The following UBE4B variants were observed in gnomAD, a reference collection of about 807,000 sequenced individuals.
UBE4B encodes ubiquitin conjugation factor E4 B.
In UBE4B, 27 loss-of-function variants were observed where a neutral mutation model predicts 148.1. The ratio of observed to expected loss-of-function variants is 0.18; its 90% CI spans 0.13 to 0.25. The LOEUF is 0.25. Among genes scored for constraint, UBE4B ranks in the 10% least tolerant of loss-of-function variants. UBE4B has a pLI of 1.00. For missense variants in UBE4B, 1,170 were observed against 1,662.4 expected (o/e 0.70, Z 5.15); for synonymous variants, 596 against 619.3 (o/e 0.96, Z 0.56).
rs111406639 is a variant in UBE4B at position 10,155,804 on chromosome 1, C to G, written c.2927-2552C>G. The stretch of plus-strand genomic sequence containing the variant: ...TTGGGAGTCCGAGACAGGTGAATCA[C>G]TTGAGGCCAGGAGTTTGAGACCAGC... On this transcript the variant is annotated intron_variant, in intron 21 of 27. Transcript: ENST00000343090. Among the ~76,000 whole-genome samples the G allele has an allele frequency of 4.0e-3, 611 of 152,336 alleles. 7 individuals carry two copies. Among genetic ancestry groups the G allele is most frequent in the African/African-American group, 0.014 (571 of 41,578 alleles).
intron 2 of UBE4B, among the ~76,000 whole-genome samples, chr1:10,084,892 C>T (rs1196430786): frequency 6.6e-6 from 1 of 151,244 alleles, no homozygotes; most frequent in Non-Finnish European, 1.5e-5. Flanking sequence ...TTAGTTGAGA[C>T]AGGGTTTCAC....
At chr1:10,117,179 A>G (rs952481769) in intron 7 of UBE4B, among the ~76,000 whole-genome samples, 1 of 152,142 alleles carries the variant, frequency 6.6e-6, no homozygotes, top group African/African-American at 2.4e-5. Flanking sequence ...GTCCCTTCCA[A>G]TGCTTAACAC....
At chr1:10,179,116 A>G in intron 26 of UBE4B, 1 of 482,132 alleles carries the variant, frequency 2.1e-6, no homozygotes, top group South Asian at 3.9e-5. Context: ...TCCTAAGACA[A>G]AGAATTCCAG....
At chr1:10,109,193 T>C (rs1278848647) in intron 7 of UBE4B, among the ~76,000 whole-genome samples, 1 of 149,886 alleles carries the variant, frequency 6.7e-6, no homozygotes, top group Non-Finnish European at 1.5e-5. Context: ...TGTGAGGAAG[T>C]GGCAGGGGGA....
intron 7 of UBE4B, among the ~76,000 whole-genome samples, chr1:10,110,170 C>T (rs1193891891): frequency 6.6e-6 from 1 of 152,184 alleles, no homozygotes; most frequent in African/African-American, 2.4e-5. Flanking sequence ...GGATCGCTCT[C>T]TCCATCTGCT....
chr1:10,135,327 C>T, intron 16 of UBE4B, 141 bp downstream of exon 16: 1 of 921,502 alleles, frequency 1.1e-6, no homozygotes, highest in South Asian at 1.7e-5. Flanking sequence ...TACAGTAGGC[C>T]TGGCGTGGTG....
At chr1:10,117,401 ACT>A (rs2101914974) in intron 7 of UBE4B, 56 bp from the exon 8 acceptor site, 1 of 1,604,362 alleles carries the variant, frequency 6.2e-7, no homozygotes, top group East Asian at 2.2e-5. Flanking sequence ...AGAAATGCAA[ACT>A]CTGCCAAAAA....
At chr1:10,088,440 G>T (rs1644796380) in intron 2 of UBE4B, among the ~76,000 whole-genome samples, 2 of 151,610 alleles carry the variant, frequency 1.3e-5, no homozygotes, top group African/African-American at 4.9e-5. Context: ...GCGTGCAGTG[G>T]CGCAATCTCA....
At chr1:10,145,324 G>A (rs575146981) in intron 18 of UBE4B, 10 of 195,952 alleles carry the variant, frequency 5.1e-5, no homozygotes, top group African/African-American at 1.9e-4. Context: ...TTGGCCGGGC[G>A]CAGTGGCTCA....
chr1:10,173,912 C>T (rs1486718421), intron 25 of UBE4B, among the ~76,000 whole-genome samples: 2 of 152,220 alleles, frequency 1.3e-5, no homozygotes, highest in Non-Finnish European at 2.9e-5. Flanking sequence ...TGACCAACCA[C>T]ACATTGCATT....
intron 7 of UBE4B, among the ~76,000 whole-genome samples, chr1:10,109,016 C>G (rs756594243): frequency 6.6e-6 from 1 of 152,130 alleles, no homozygotes; most frequent in Non-Finnish European, 1.5e-5. Flanking sequence ...TCTTTCTGGA[C>G]TTCTAACACC....
At chr1:10,100,473 C>A (rs1355631470) in intron 3 of UBE4B, among the ~76,000 whole-genome samples, 3 of 152,172 alleles carry the variant, frequency 2.0e-5, no homozygotes, top group Non-Finnish European at 4.4e-5. Flanking sequence ...ACCATAGGCG[C>A]ATGCCAATAT....
chr1:10,092,865 T>C (rs894523575), intron 2 of UBE4B, among the ~76,000 whole-genome samples: 1 of 150,688 alleles, frequency 6.6e-6, no homozygotes, highest in African/African-American at 2.4e-5. Flanking sequence ...AAAGAAGGAA[T>C]GGAGTCCCCT....
rs1172355690 is a variant in UBE4B at position 10,135,105 on chromosome 1, A to C, written c.2143A>C (p.Arg715=). The change falls in exon 16 of 28, where the codon AGA becomes CGA. Residue 715 remains arginine (R), a synonymous_variant. Transcript: ENST00000343090. ...TVDPTYIFHP[R]CRITLPNDET... ...TGATCCCACGTATATTTTTCACCCAAGATGTCGGATTACTCTTCCCAATGA... is the reference window on the plus strand; with the variant it reads ...TGATCCCACGTATATTTTTCACCCACGATGTCGGATTACTCTTCCCAATGA... 1 of 1,614,018 alleles carries C rather than the reference A, an allele frequency of 6.2e-7. No individual in the cohort carries two copies. The highest frequency in any genetic ancestry group is 1.3e-5 in the African/African-American group (1 of 74,898).
chr1:10,087,856 G>A (rs1012443199), intron 2 of UBE4B, among the ~76,000 whole-genome samples: 1 of 152,174 alleles, frequency 6.6e-6, no homozygotes, highest in African/African-American at 2.4e-5. Flanking sequence ...CTGGAGTGGG[G>A]AAGTACATAT....
At chr1:10,041,390 A>G (rs1643757544) in intron 1 of UBE4B, among the ~76,000 whole-genome samples, 1 of 147,198 alleles carries the variant, frequency 6.8e-6, no homozygotes, top group Admixed American at 6.9e-5. Flanking sequence ...GCTTGAGTGC[A>G]ATGGCCTGAT....
chr1:10,098,193 A>G (rs560561038), intron 3 of UBE4B, among the ~76,000 whole-genome samples: 1 of 152,242 alleles, frequency 6.6e-6, no homozygotes, highest in African/African-American at 2.4e-5. Flanking sequence ...AATACAATAT[A>G]ATATAAATAT....
At chr1:10,072,296 A>T (rs1644500316) in intron 2 of UBE4B, 82 bp downstream of exon 2, 1 of 1,489,536 alleles carries the variant, frequency 6.7e-7, no homozygotes, top group Admixed American at 2.3e-5. Flanking sequence ...TGTTTCCAGA[A>T]CAGATTAAAA....
intron 2 of UBE4B, among the ~76,000 whole-genome samples, chr1:10,086,641 A>G (rs1452393919): frequency 6.6e-6 from 1 of 152,186 alleles, no homozygotes; most frequent in Middle Eastern, 3.2e-3. Flanking sequence ...ATTATTTGAA[A>G]TGATAGGTTG....
Sources: allele counts gnomAD v4.1 joint callset (sites outside exome capture counted in the v4.1 genomes callset), GRCh38; gene constraint gnomAD v4.1.1; transcripts MANE v1.5; gene names NCBI Gene and HGNC (gene_info 2026-07-23, HGNC 2026-07-21).